GABBR2: variants seen among roughly 807,000 people sequenced by gnomAD.
GABBR2 encodes the protein G-protein coupled receptor 51.
Under a neutral mutation model 105.6 loss-of-function variants are expected in GABBR2, and 23 were observed. That is an observed-to-expected ratio of 0.22 (90% CI 0.16 to 0.31). The LOEUF is 0.31. Among genes scored for constraint, GABBR2 ranks in the 10% least tolerant of loss-of-function variants. The pLI, the probability that GABBR2 is intolerant of heterozygous loss-of-function variation, is 1.00. For missense variants in GABBR2, 734 were observed against 1,245.5 expected (o/e 0.59, Z 6.18); for synonymous variants, 478 against 499.7 (o/e 0.96, Z 0.58).
chr9:98,623,849 C>T (rs774739968), intron 1 of GABBR2, among the ~76,000 whole-genome samples: 5 of 152,146 alleles, frequency 3.3e-5, no homozygotes, highest in Admixed American at 6.5e-5. Flanking sequence ...GTAAGATAGC[C>T]GCAGGTTCTG....
chr9:98,535,600 A>G (rs1260232528), intron 3 of GABBR2, among the ~76,000 whole-genome samples: 1 of 152,172 alleles, frequency 6.6e-6, no homozygotes, highest in Admixed American at 6.5e-5. Context: ...ACACCATTTT[A>G]TATCAGTGAC....
chr9:98,546,388 A>AT (rs1462755292), intron 2 of GABBR2, among the ~76,000 whole-genome samples: 3 of 152,110 alleles, frequency 2.0e-5, no homozygotes, highest in Non-Finnish European at 4.4e-5. Context: ...TTATGTGTTC[A>AT]TTTTATCTTG....
Position 98,290,520 on chromosome 9 carries a change from AG to A in GABBR2, c.*63del, listed in dbSNP as rs1184909820. 8.7e-7 allele frequency: 1 copy of A among 1,150,556 alleles called. No individual in the cohort carries two copies. The highest frequency in any genetic ancestry group is 1.1e-6 in the Non-Finnish European group (1 of 888,152). The allele number at this position is 1,150,556 out of a possible 1,614,324, so 71.3% of individuals were successfully genotyped here. ...CAGCCAGAGCCGACAGTGTTTCTGC[AG>A]CAGACCCCTCTGCCCAGTGTGGTTC... On this transcript the variant is annotated 3_prime_UTR_variant, in exon 19 of 19. Transcript: ENST00000259455.
rs188751036 is a variant in GABBR2, at chr9:98,381,898, A to G, written c.1662+3742T>C. On this transcript the variant is annotated intron_variant, in intron 11 of 18. Coordinates refer to ENST00000259455, the MANE Select transcript of GABBR2 (RefSeq NM_005458.8). ...AACATCAGGCTTCATTAAAAAGAAA[A>G]GCCCTGGGTGTGGGGGATGTCCCTG... Among the ~76,000 whole-genome samples the G allele has an allele frequency of 3.1e-3, 472 of 152,244 alleles. 5 individuals are homozygous for G. The highest frequency in any genetic ancestry group is 8.6e-3 in the Admixed American group (131 of 15,304).
chr9:98,355,396 C>T (rs1831466955), intron 13 of GABBR2, among the ~76,000 whole-genome samples: 1 of 151,244 alleles, frequency 6.6e-6, no homozygotes, highest in Non-Finnish European at 1.5e-5. Context: ...GTAAAATCTG[C>T]AAAGTGCAAT....
intron 1 of GABBR2, among the ~76,000 whole-genome samples, chr9:98,626,581 T>C (rs1300904051): frequency 6.6e-6 from 1 of 152,148 alleles, no homozygotes; most frequent in South Asian, 2.1e-4. Flanking sequence ...CATGCCTCAG[T>C]TTCTGTACAA....
intron 1 of GABBR2, among the ~76,000 whole-genome samples, chr9:98,632,869 A>T (rs1261045274): frequency 6.6e-6 from 1 of 152,256 alleles, no homozygotes; most frequent in Non-Finnish European, 1.5e-5. Context: ...TGGAACACTC[A>T]GTAGGTTTCA....
intron 1 of GABBR2, among the ~76,000 whole-genome samples, chr9:98,648,116 TATAG>T (rs1554723458): frequency 1.8e-5 from 1 of 55,948 alleles, no homozygotes; most frequent in Non-Finnish European, 3.4e-5. Flanking sequence ...TGTGTGTGTG[TATAG>T]ATAGATAGAT....
intron 1 of GABBR2, among the ~76,000 whole-genome samples, chr9:98,587,794 C>T (rs1483503495): frequency 1.3e-5 from 2 of 152,140 alleles, no homozygotes; most frequent in African/African-American, 2.4e-5. Context: ...ATTTTGGAAA[C>T]AAATATTTTC....
chr9:98,524,504 A>G (rs2131717806), intron 3 of GABBR2, among the ~76,000 whole-genome samples: 1 of 152,222 alleles, frequency 6.6e-6, no homozygotes, highest in East Asian at 1.9e-4. Context: ...CAACCTCTCC[A>G]TCTGGATATT....
chr9:98,648,095 G>A (rs868857754), intron 1 of GABBR2, among the ~76,000 whole-genome samples: 1 of 85,744 alleles, frequency 1.2e-5, no homozygotes. Flanking sequence ...GTGTGTGTGT[G>A]TGTGTGTGTG....
chr9:98,624,751 C>T (rs368537349), intron 1 of GABBR2, among the ~76,000 whole-genome samples: 4 of 152,270 alleles, frequency 2.6e-5, no homozygotes, highest in South Asian at 4.1e-4. Context: ...AGCTGCAGAA[C>T]GCTGAGGCCG....
chr9:98,579,281 G>A (rs889945814), intron 1 of GABBR2, among the ~76,000 whole-genome samples: 5 of 152,154 alleles, frequency 3.3e-5, no homozygotes, highest in South Asian at 2.1e-4. Context: ...AGGAGCTTCC[G>A]TATTAGAGAG....
intron 1 of GABBR2, among the ~76,000 whole-genome samples, chr9:98,588,936 G>T (rs58022571): frequency 0.02 from 3,049 of 152,318 alleles, 54 homozygotes; most frequent in Middle Eastern, 0.041. Flanking sequence ...AATCCCTATG[G>T]CAAGCCTGGA....
In GABBR2 at chr9:98,436,400, TATATATAG is replaced by T. The variant is rs1309439514; in HGVS notation, c.1236+17573_1236+17580del. Among the ~76,000 whole-genome samples, 104 of 60,370 alleles carry T rather than the reference TATATATAG, an allele frequency of 1.7e-3. 10 individuals carry two copies. Among genetic ancestry groups the T allele is most frequent in the East Asian group, 3.0e-3 (4 of 1,336 alleles). The allele number at this position is 60,370 out of a possible 152,430, so 39.6% of individuals were successfully genotyped here. ...ATATATATATATATATATATATATA[TATATATAG>T]TATGGCGTTCTTTCTTCTACTACCA... On this transcript the variant is annotated intron_variant, in intron 7 of 18. Transcript: ENST00000259455.
intron 7 of GABBR2, among the ~76,000 whole-genome samples, chr9:98,411,843 G>A (rs954358244): frequency 6.6e-6 from 1 of 152,084 alleles, no homozygotes; most frequent in East Asian, 1.9e-4. Flanking sequence ...AAAAGTGCTG[G>A]GATTATAGTT....
intron 3 of GABBR2, among the ~76,000 whole-genome samples, chr9:98,501,603 T>G (rs1827401648): frequency 6.6e-6 from 1 of 152,094 alleles, no homozygotes; most frequent in Admixed American, 6.5e-5. Flanking sequence ...TGGTTCACAC[T>G]CAGAGGACAG....
chr9:98,455,573 G>T (rs531626245), intron 6 of GABBR2, among the ~76,000 whole-genome samples: 1 of 152,224 alleles, frequency 6.6e-6, no homozygotes, highest in Admixed American at 6.5e-5. Flanking sequence ...GTGGAGGGAG[G>T]GGGGGCGCGG....
At chr9:98,422,046 A>G (rs1832790900) in intron 7 of GABBR2, among the ~76,000 whole-genome samples, 1 of 152,158 alleles carries the variant, frequency 6.6e-6, no homozygotes, top group Non-Finnish European at 1.5e-5. Context: ...ATGAAAGAAG[A>G]TTTTTGTAAG....
Sources: gnomAD v4.1 joint callset for allele counts (sites outside exome capture counted in the v4.1 genomes callset) on GRCh38, gnomAD v4.1.1 for gene constraint, MANE v1.5 for transcripts, NCBI Gene and HGNC (gene_info 2026-07-23, HGNC 2026-07-21) for gene names.